SCAPER: variants seen among roughly 807,000 people sequenced by gnomAD.
SCAPER encodes the protein S-phase cyclin A associated protein in the ER.
A neutral mutation model predicts 182.2 loss-of-function variants in SCAPER; 98 were observed. That is an observed-to-expected ratio of 0.54 (90% CI 0.46 to 0.64). SCAPER has a LOEUF of 0.64. SCAPER is among the 30% of genes least tolerant of loss of function. The pLI is 0.00. For missense variants in SCAPER, 1,432 were observed against 1,690.0 expected (o/e 0.85, Z 2.68); for synonymous variants, 605 against 564.6 (o/e 1.07, Z -1.01).
At chr15:76,878,196 C>T (rs1214788792) in intron 2 of SCAPER, among the ~76,000 whole-genome samples, 1 of 151,142 alleles carries the variant, frequency 6.6e-6, no homozygotes, top group Non-Finnish European at 1.5e-5. Context: ...TATGAGAATT[C>T]ATATATGGAT....
At chr15:76,432,855 A>G (rs1596589398) in intron 26 of SCAPER, among the ~76,000 whole-genome samples, 1 of 152,344 alleles carries the variant, frequency 6.6e-6, no homozygotes, top group East Asian at 1.9e-4. Flanking sequence ...TGTTTATTAC[A>G]TAACCTTGGG....
In SCAPER at chr15:76,877,016, G is replaced by T. The variant is rs530826823; in HGVS notation, c.6+6796C>A. On this transcript the variant is annotated intron_variant, in intron 2 of 31. Transcript: ENST00000563290. Reference sequence around the variant, plus strand: ...TCTGGGAAGCCAAAGCTGGAGGATTGCTTGAGTCCAGGAGTTCAAGACCAG... The same window carrying T: ...TCTGGGAAGCCAAAGCTGGAGGATTTCTTGAGTCCAGGAGTTCAAGACCAG... 5.9e-5 allele frequency among the ~76,000 whole-genome samples: 9 copies of T among 152,234 alleles called. No individual in the cohort carries two copies. The South Asian group carries it at 1.9e-3, about 32-fold the overall frequency.
rs549675226 is a variant in SCAPER, at chr15:76,723,000, G to C, written c.2165+5595C>G. Reference sequence around the variant, plus strand: ...TGAATGTGTTTGCTCTTGCTTCTCTGGTTCTTTTAATTGTGATGTTAGGGT... The same window carrying C: ...TGAATGTGTTTGCTCTTGCTTCTCTCGTTCTTTTAATTGTGATGTTAGGGT... On this transcript the variant is annotated intron_variant, in intron 17 of 31. Coordinates refer to ENST00000563290, the MANE Select transcript of SCAPER (RefSeq NM_020843.4). 4.0e-5 allele frequency among the ~76,000 whole-genome samples: 6 copies of C among 151,766 alleles called. No individual in the cohort carries two copies. The South Asian group carries it at 1.3e-3, about 32-fold the overall frequency.
At chr15:76,359,890 T>A (rs2041277333) in intron 29 of SCAPER, among the ~76,000 whole-genome samples, 1 of 152,206 alleles carries the variant, frequency 6.6e-6, no homozygotes, top group South Asian at 2.1e-4. Flanking sequence ...AGGGGGCCCC[T>A]AGTTAACAAA....
chr15:76,757,105 T>C (rs747871775), intron 14 of SCAPER, among the ~76,000 whole-genome samples: 3 of 152,250 alleles, frequency 2.0e-5, no homozygotes, highest in East Asian at 1.9e-4. Context: ...ATTACATTCA[T>C]AGACTTTCTA....
chr15:76,881,504 C>G (rs548613927), intron 2 of SCAPER, among the ~76,000 whole-genome samples: 1 of 151,984 alleles, frequency 6.6e-6, no homozygotes, highest in Non-Finnish European at 1.5e-5. Flanking sequence ...ATAAGCAAAA[C>G]GTAATATATT....
At chr15:76,560,748 T>C (rs986933819) in intron 23 of SCAPER, among the ~76,000 whole-genome samples, 1 of 152,176 alleles carries the variant, frequency 6.6e-6, no homozygotes, top group Non-Finnish European at 1.5e-5. Flanking sequence ...ATTTACGACT[T>C]TGTAGTATCA....
chr15:76,703,540 C>A (rs574130382), intron 18 of SCAPER, among the ~76,000 whole-genome samples: 2 of 152,250 alleles, frequency 1.3e-5, no homozygotes, highest in African/African-American at 2.4e-5. Flanking sequence ...GGGGAAAAAA[C>A]GCTATTTCAG....
chr15:76,451,993 C>T (rs180710070), intron 25 of SCAPER, among the ~76,000 whole-genome samples: 52 of 152,206 alleles, frequency 3.4e-4, no homozygotes, highest in African/African-American at 1.2e-3. Flanking sequence ...ATTCTCTTTT[C>T]CTCTTCATTT....
chr15:76,457,674 T>C (rs1381984683), intron 25 of SCAPER, among the ~76,000 whole-genome samples: 1 of 152,158 alleles, frequency 6.6e-6, no homozygotes, highest in Non-Finnish European at 1.5e-5. Flanking sequence ...TCATTTTCTG[T>C]CCTTCCCATT....
chr15:76,667,304 C>A (rs1464190677), intron 20 of SCAPER, among the ~76,000 whole-genome samples: 1 of 152,140 alleles, frequency 6.6e-6, no homozygotes, highest in Non-Finnish European at 1.5e-5. Flanking sequence ...GTCCTTCTAA[C>A]TCATTGGCTG....
At chr15:76,761,336 T>C (rs1001879127) in intron 14 of SCAPER, among the ~76,000 whole-genome samples, 2 of 152,192 alleles carry the variant, frequency 1.3e-5, no homozygotes, top group South Asian at 4.1e-4. Flanking sequence ...CAATTATTTC[T>C]GCTCTAATCG....
chr15:76,481,496 T>C (rs528478806), intron 24 of SCAPER, among the ~76,000 whole-genome samples: 4 of 152,352 alleles, frequency 2.6e-5, no homozygotes, highest in South Asian at 2.1e-4. Context: ...ACACGCTGCA[T>C]ATATGCATAT....
chr15:76,524,687 C>CTTTTTTTTTTT (rs2043056639), intron 23 of SCAPER, among the ~76,000 whole-genome samples: 1 of 25,934 alleles, frequency 3.9e-5, no homozygotes, highest in Non-Finnish European at 8.0e-5. Context: ...TTTTTTTGTT[C>CTTTTTTTTTTT]TGTTTTTTTT....
At chr15:76,767,225 T>C (rs1250701712) in intron 10 of SCAPER, 137 bp from the exon 11 acceptor site, 2 of 835,128 alleles carry the variant, frequency 2.4e-6, no homozygotes, top group East Asian at 2.8e-5. Flanking sequence ...TGGGGTTCCA[T>C]ACAGGCTCAT....
chr15:76,750,999 C>CA (rs1014946066), intron 15 of SCAPER, among the ~76,000 whole-genome samples: 8 of 150,852 alleles, frequency 5.3e-5, no homozygotes, highest in Non-Finnish European at 7.4e-5. Flanking sequence ...CAGATTCCAC[C>CA]AAAAAAAATT....
intron 20 of SCAPER, among the ~76,000 whole-genome samples, chr15:76,676,191 T>G (rs564615498): frequency 9.2e-5 from 14 of 152,324 alleles, no homozygotes; most frequent in Middle Eastern, 6.8e-3. Flanking sequence ...TGATTTGAAC[T>G]CTGCTCAGAA....
At chr15:76,748,584 T>C (rs2061929016) in intron 15 of SCAPER, among the ~76,000 whole-genome samples, 1 of 148,608 alleles carries the variant, frequency 6.7e-6, no homozygotes, top group Non-Finnish European at 1.5e-5. Context: ...AAAGAAAATA[T>C]TTGCAAATCA....
chr15:76,895,241 C>T (rs2074369087), intron 1 of SCAPER, among the ~76,000 whole-genome samples: 1 of 152,142 alleles, frequency 6.6e-6, no homozygotes, highest in South Asian at 2.1e-4. Context: ...CAAATTAACA[C>T]ATGAGATACA....
Sources: gnomAD v4.1 joint callset for allele counts (sites outside exome capture counted in the v4.1 genomes callset) on GRCh38, gnomAD v4.1.1 for gene constraint, MANE v1.5 for transcripts, NCBI Gene and HGNC (gene_info 2026-07-23, HGNC 2026-07-21) for gene names.